The following C5AR2 variants were observed in gnomAD, a reference collection of about 807,000 sequenced individuals.
C5AR2 encodes complement C5a receptor 2.
For synonymous variants in C5AR2, 224 were observed against 216.5 expected, an observed-to-expected ratio of 1.03 and a Z score of -0.30; for missense variants, 458 against 467.5, an observed-to-expected ratio of 0.98 and a Z score of 0.19.
Position 47,341,432 on chromosome 19 carries a change from G to T in C5AR2, c.633G>T (p.Gly211=), listed in dbSNP as rs752322893. 2.5e-6 allele frequency: 4 copies of T among 1,612,162 alleles called. No homozygotes were observed. In the South Asian group the frequency reaches 3.3e-5, roughly 13 times the overall value. ...TCCGGTTTCTTTTTGGCTTCCTGGGGCCCCTGGTGGCCGTGGCCAGCTGCC... is the reference window on the plus strand; with the variant it reads ...TCCGGTTTCTTTTTGGCTTCCTGGGTCCCCTGGTGGCCGTGGCCAGCTGCC... ...TAIRFLFGFL[G]PLVAVASCHS... is the part of the protein sequence containing the mutation. Residue 211 remains glycine, a synonymous_variant, in exon 2 of 2, where the codon GGG becomes GGT. Transcript: ENST00000595464. The surrounding 1 kb of genome is among the most constrained non-coding windows in gnomAD (Gnocchi z 4.6).
In C5AR2 at chr19:47,341,372, C is replaced by A. The variant is rs201038011; in HGVS notation, c.573C>A (p.Gly191=). ...PARLQCVVDY[G]GSSSTENAVT... ...GGCTGCAGTGTGTGGTGGACTACGG[C>A]GGCTCCTCCAGCACCGAGAATGCGG... Residue 191 remains glycine (G), a synonymous_variant, in exon 2 of 2, where the codon GGC becomes GGA. Coordinates refer to ENST00000595464, the MANE Select transcript of C5AR2 (RefSeq NM_001271749.2). The surrounding 1 kb of genome is among the most constrained non-coding windows in gnomAD (Gnocchi z 4.6). The A allele has an allele frequency of 6.2e-7, 1 of 1,612,286 alleles. No homozygotes were observed. The highest frequency in any genetic ancestry group is 8.5e-7 in the Non-Finnish European group (1 of 1,179,874).
chr19:47,340,105 T>G (rs536798218), intron 1 of C5AR2, among the ~76,000 whole-genome samples: 1 of 151,958 alleles, frequency 6.6e-6, no homozygotes, highest in East Asian at 1.9e-4. Context: ...CAGGCACGCA[T>G]GACCATGCCT....
chr19:47,342,363 A>C lies in C5AR2; in HGVS notation c.*550A>C, dbSNP rs1435466483. ...AGAGCGAGACTCCGTCTCAAAAAAT[A>C]AATAAATAAAAGATTCTATTTATTT... On this transcript the variant is annotated 3_prime_UTR_variant, in exon 2 of 2. Coordinates refer to ENST00000595464, the MANE Select transcript of C5AR2 (RefSeq NM_001271749.2). 1.3e-5 allele frequency: 2 copies of C among 149,196 alleles called. No individual in the cohort carries two copies. Among genetic ancestry groups the C allele is most frequent in the African/African-American group, 4.9e-5 (2 of 41,028 alleles). The allele number at this position is 149,196 out of a possible 1,614,324, so 9.2% of individuals were successfully genotyped here. A position where few individuals can be genotyped will look rare whatever the true frequency, so the allele number is the denominator to read the frequency against.
Position 47,341,374 on chromosome 19 carries a change from G to C in C5AR2, c.575G>C (p.Gly192Ala), listed in dbSNP as rs141325628. 6.2e-7 allele frequency: 1 copy of C among 1,612,288 alleles called. No individual in the cohort carries two copies. The highest frequency in any genetic ancestry group is 8.5e-7 in the Non-Finnish European group (1 of 1,179,894). Residue 192 changes from glycine (G) to alanine (A), a missense_variant, in exon 2 of 2, where the codon GGC (glycine) becomes GCC (alanine). By Grantham distance (60) the Gly-to-Ala change is moderately conservative (BLOSUM62 0). Coordinates refer to ENST00000595464, the MANE Select transcript of C5AR2 (RefSeq NM_001271749.2). This position sits in a 1 kb window ranked among gnomAD's most constrained non-coding sequence, Gnocchi z 4.6. Reference protein sequence around the residue: ...ARLQCVVDYGGSSSTENAVTA... With the variant: ...ARLQCVVDYGASSSTENAVTA... ...CTGCAGTGTGTGGTGGACTACGGCGGCTCCTCCAGCACCGAGAATGCGGTG... is the reference window on the plus strand; with the variant it reads ...CTGCAGTGTGTGGTGGACTACGGCGCCTCCTCCAGCACCGAGAATGCGGTG...
At position 47,340,783 on chromosome 19, in the gene C5AR2, A is replaced by T; in HGVS notation, c.-15-2A>T. On this transcript the variant is annotated splice_acceptor_variant, in intron 1 of 1. Coordinates refer to ENST00000595464, the MANE Select transcript of C5AR2 (RefSeq NM_001271749.2). LOFTEE classifies it low-confidence loss of function (5UTR_SPLICE). ...TTTTCATCGTCTTTCTCTCCTGCCC[A>T]GACACCAGGAGCCTGAATGGGGAAC... 6.2e-7 allele frequency: 1 copy of T among 1,612,850 alleles called. No individual in the cohort carries two copies. Among genetic ancestry groups the T allele is most frequent in the Non-Finnish European group, 8.5e-7 (1 of 1,179,702 alleles).
intron 1 of C5AR2, among the ~76,000 whole-genome samples, chr19:47,335,739 T>C (rs1413915380): frequency 2.7e-5 from 3 of 111,312 alleles, no homozygotes; most frequent in Non-Finnish European, 5.0e-5. Context: ...ACCACTGCAC[T>C]CCAGCCTGGG....
intron 1 of C5AR2, among the ~76,000 whole-genome samples, chr19:47,335,690 C>G (rs553896799): frequency 7.2e-6 from 1 of 139,674 alleles, no homozygotes; most frequent in South Asian, 2.3e-4. Flanking sequence ...GAGAATCATG[C>G]GAACCCGGGA....
chr19:47,336,476 CCTTCCTTCCTTCCTTT>C (rs879379112), intron 1 of C5AR2, among the ~76,000 whole-genome samples: 38,624 of 96,500 alleles, frequency 0.4, 6,286 homozygotes, highest in Non-Finnish European at 0.44. Context: ...TTCCTTCCTT[CCTTCCTTCCTTCCTTT>C]CTTTCTTTCT....
Position 47,342,042 on chromosome 19 carries a change from A to G in C5AR2, c.*229A>G. The G allele has an allele frequency of 1.8e-6, 1 of 551,734 alleles. No individual in the cohort carries two copies. Among genetic ancestry groups the G allele is most frequent in the South Asian group, 2.3e-5 (1 of 42,888 alleles). The allele number at this position is 551,734 out of a possible 1,614,324, so 34.2% of individuals were successfully genotyped here. ...CAGGGAGCTGATATTCTTCTAGTGG[A>G]GGAAGACAGACTATAAACAAAGATA... On this transcript the variant is annotated 3_prime_UTR_variant, in exon 2 of 2. Coordinates refer to ENST00000595464, the MANE Select transcript of C5AR2 (RefSeq NM_001271749.2).
rs1015229640 is a variant in C5AR2 at position 47,346,317 on chromosome 19, C to A, written c.*4504C>A. 2.0e-5 allele frequency: 3 copies of A among 152,080 alleles called. No homozygotes were observed. Among genetic ancestry groups the A allele is most frequent in the Non-Finnish European group, 4.4e-5 (3 of 68,000 alleles). 9.4% of individuals were successfully genotyped at this position (152,080 alleles called of 1,614,324 possible). On this transcript the variant is annotated 3_prime_UTR_variant, in exon 2 of 2. Coordinates refer to ENST00000595464, the MANE Select transcript of C5AR2 (RefSeq NM_001271749.2). ...ATGACCCAGAAGTTACTGCCCCTTC[C>A]CTAGATATTTCTGCATAAACTGCCC...
chr19:47,337,700 G>C (rs2059363811), intron 1 of C5AR2, among the ~76,000 whole-genome samples: 1 of 151,688 alleles, frequency 6.6e-6, no homozygotes, highest in South Asian at 2.1e-4. Context: ...AGTGATCTTA[G>C]GTAAATTACT....
At chr19:47,334,304 T>C (rs2059349383) in intron 1 of C5AR2, among the ~76,000 whole-genome samples, 1 of 151,996 alleles carries the variant, frequency 6.6e-6, no homozygotes, top group Admixed American at 6.6e-5. Context: ...GTACAGACGC[T>C]CTTTGACTTA....
In C5AR2 at chr19:47,341,531, CT is replaced by C. The variant is rs1969032006; in HGVS notation, c.733del (p.Cys245AlafsTer67). 6.2e-7 allele frequency: 1 copy of C among 1,612,220 alleles called. No individual in the cohort carries two copies. The highest frequency in any genetic ancestry group is 1.3e-5 in the African/African-American group (1 of 74,902). On this transcript the variant is annotated frameshift_variant, in exon 2 of 2. Coordinates refer to ENST00000595464, the MANE Select transcript of C5AR2 (RefSeq NM_001271749.2). LOFTEE classifies it low-confidence loss of function (END_TRUNC). The surrounding 1 kb of genome is among the most constrained non-coding windows in gnomAD (Gnocchi z 4.6). The stretch of plus-strand genomic sequence containing the variant: ...CAGCCATTGTGGTGGGGTTTTTTGT[CT>C]GCTGGGCACCCTACCACCTGCTGGG... ...GTAIVVGFFV[C>X]WAPYHLLGLV...
chr19:47,334,290 A>G (rs1355461846), intron 1 of C5AR2, among the ~76,000 whole-genome samples: 3 of 152,078 alleles, frequency 2.0e-5, no homozygotes, highest in East Asian at 1.9e-4. Flanking sequence ...AAAGCTAGAT[A>G]TAAGTACAGA....
rs1969062243 is a variant in C5AR2 at position 47,342,681 on chromosome 19, A to G, written c.*868A>G. 1 of 152,638 alleles carries G rather than the reference A, an allele frequency of 6.6e-6. No individual in the cohort carries two copies. Among genetic ancestry groups the G allele is most frequent in the African/African-American group, 2.4e-5 (1 of 41,422 alleles). 9.5% of individuals were successfully genotyped at this position (152,638 alleles called of 1,614,324 possible). ...CAGGCGTGAGCCACCGCACCCGGCC[A>G]AAAGATTTTAATAGGATCCCTCTGG... is the stretch of plus-strand genomic sequence containing the variant. On this transcript the variant is annotated 3_prime_UTR_variant, in exon 2 of 2. Transcript: ENST00000595464.
chr19:47,333,346 G>A (rs189932513), intron 1 of C5AR2, among the ~76,000 whole-genome samples: 37 of 152,192 alleles, frequency 2.4e-4, no homozygotes, highest in Non-Finnish European at 4.4e-4. Flanking sequence ...ATTCTTGTGT[G>A]GTGTTTGTTC....
chr19:47,334,331 C>T (rs1409971857), intron 1 of C5AR2, among the ~76,000 whole-genome samples: 1 of 152,038 alleles, frequency 6.6e-6, no homozygotes, highest in Non-Finnish European at 1.5e-5. Flanking sequence ...GGTCCCATCT[C>T]TATCAACCCA....
intron 1 of C5AR2, among the ~76,000 whole-genome samples, chr19:47,335,463 T>G (rs1382984198): frequency 1.3e-5 from 2 of 151,624 alleles, no homozygotes; most frequent in Non-Finnish European, 2.9e-5. Flanking sequence ...GCTGGGCAAA[T>G]TATATGCACA....
chr19:47,344,834 C>G lies in C5AR2; in HGVS notation c.*3021C>G, dbSNP rs1411835513. ...TGTCACCCAGGCTGGATTGTAGTGG[C>G]ACGATCTCGGCTGACCGCAACCTCC... On this transcript the variant is annotated 3_prime_UTR_variant, in exon 2 of 2. Transcript: ENST00000595464. The G allele has an allele frequency of 4.6e-5, 7 of 152,200 alleles. No individual in the cohort carries two copies. The East Asian group carries it at 1.2e-3, about 25-fold the overall frequency. The allele number at this position is 152,200 out of a possible 1,614,324, so 9.4% of individuals were successfully genotyped here. A position where few individuals can be genotyped will look rare whatever the true frequency, so the allele number is the denominator to read the frequency against.
Sources: gnomAD v4.1 joint callset for allele counts (sites outside exome capture counted in the v4.1 genomes callset) on GRCh38, gnomAD v4.1.1 for gene constraint, Gnocchi (gnomAD v3.1) non-coding constraint, MANE v1.5 for transcripts, NCBI Gene and HGNC (gene_info 2026-07-23, HGNC 2026-07-21) for gene names.